Variants in RIMS2 observed in about 807,000 individuals in gnomAD.
RIMS2 encodes regulating synaptic membrane exocytosis 2.
Under a neutral mutation model 174.4 loss-of-function variants are expected in RIMS2, and 59 were observed. The observed-to-expected ratio is 0.34, with a 90% CI of 0.27 to 0.42. RIMS2 has a LOEUF of 0.42. Ranked by LOEUF, RIMS2 falls within the 10% of genes least tolerant of loss-of-function variation. The probability of loss-of-function intolerance (pLI) is 1.00; values close to 1 mark genes in which losing one functional copy is unlikely to be tolerated. For synonymous variants in RIMS2, 606 were observed against 572.5 expected (o/e 1.06, Z -0.84); for missense variants, 1,620 against 1,666.3 (o/e 0.97, Z 0.48).
intron 2 of RIMS2, among the ~76,000 whole-genome samples, chr8:103,765,532 A>G (rs543371475): frequency 2.0e-5 from 3 of 152,338 alleles, no homozygotes; most frequent in African/African-American, 7.2e-5. Flanking sequence ...CTTTTGCCAC[A>G]GTAAAAACAT....
chr8:104,079,672 A>AG (rs1566234045), intron 19 of RIMS2, among the ~76,000 whole-genome samples: 1 of 131,270 alleles, frequency 7.6e-6, no homozygotes. Context: ...AACAACAGAT[A>AG]GGTGAAAACA....
chr8:104,102,743 A>G (rs1159053883), intron 19 of RIMS2, among the ~76,000 whole-genome samples: 1 of 152,172 alleles, frequency 6.6e-6, no homozygotes, highest in Non-Finnish European at 1.5e-5. Flanking sequence ...TTATAAAACC[A>G]TCAGATCTCA....
intron 3 of RIMS2, among the ~76,000 whole-genome samples, chr8:103,800,604 C>T (rs942585130): frequency 1.3e-5 from 2 of 152,108 alleles, no homozygotes; most frequent in African/African-American, 2.4e-5. Context: ...GGTTTTTCCT[C>T]TTTCGTCTCT....
chr8:104,248,064 A>AG (rs199938840), intron 20 of RIMS2, among the ~76,000 whole-genome samples: 2,455 of 152,276 alleles, frequency 0.016, 33 homozygotes, highest in Middle Eastern at 0.075. Context: ...TTCAAGGAAG[A>AG]GGGGGCAAGG....
chr8:103,563,718 G>T (rs190938156), intron 1 of RIMS2, among the ~76,000 whole-genome samples: 1 of 151,936 alleles, frequency 6.6e-6, no homozygotes, highest in Non-Finnish European at 1.5e-5. Flanking sequence ...CCATTTTCAC[G>T]CTGGTATTAA....
At chr8:103,782,001 G>A (rs1017318474) in intron 3 of RIMS2, among the ~76,000 whole-genome samples, 1 of 151,764 alleles carries the variant, frequency 6.6e-6, no homozygotes, top group African/African-American at 2.4e-5. Flanking sequence ...GCCCACCTCG[G>A]CCTCCCAAAG....
chr8:103,713,172 C>A (rs1266883037), intron 2 of RIMS2, among the ~76,000 whole-genome samples: 1 of 152,146 alleles, frequency 6.6e-6, no homozygotes, highest in Admixed American at 6.5e-5. Context: ...GCACACACCA[C>A]CATGCTTGGC....
chr8:103,768,488 C>G, intron 3 of RIMS2: 6 of 897,034 alleles, frequency 6.7e-6, no homozygotes, highest in South Asian at 1.3e-5. Flanking sequence ...TGTCTTGATT[C>G]ATGGCCGTGT....
chr8:104,169,792 C>T (rs2098821583), intron 19 of RIMS2, among the ~76,000 whole-genome samples: 1 of 151,980 alleles, frequency 6.6e-6, no homozygotes, highest in Non-Finnish European at 1.5e-5. Flanking sequence ...CTCTTTCAGA[C>T]TTTTTGAAGT....
At chr8:103,578,666 T>C (rs2093413477) in intron 1 of RIMS2, among the ~76,000 whole-genome samples, 1 of 151,982 alleles carries the variant, frequency 6.6e-6, no homozygotes, top group African/African-American at 2.4e-5. Flanking sequence ...TGGGGCAACA[T>C]TTTCAAAGTG....
chr8:104,010,856 CATAAA>C (rs1565832285), intron 17 of RIMS2, among the ~76,000 whole-genome samples: 2 of 151,894 alleles, frequency 1.3e-5, no homozygotes, highest in African/African-American at 4.8e-5. Context: ...ATATGCATAA[CATAAA>C]ATAAGGTAAA....
intron 13 of RIMS2, among the ~76,000 whole-genome samples, chr8:103,941,142 G>A (rs377546022): frequency 1.9e-4 from 29 of 152,096 alleles, no homozygotes; most frequent in East Asian, 7.7e-4. Flanking sequence ...TAATCCTTTC[G>A]AACACAGTAC....
intron 19 of RIMS2, among the ~76,000 whole-genome samples, chr8:104,021,769 C>G (rs1428106226): frequency 6.6e-6 from 1 of 152,168 alleles, no homozygotes; most frequent in East Asian, 1.9e-4. Flanking sequence ...CTGCCTCCCG[C>G]ACAGACAAAA....
At chr8:103,812,458 A>G (rs1225421572) in intron 3 of RIMS2, among the ~76,000 whole-genome samples, 1 of 149,066 alleles carries the variant, frequency 6.7e-6, no homozygotes, top group East Asian at 2.0e-4. Flanking sequence ...CGATCTTGGT[A>G]TATACCTCCG....
At position 103,768,817 on chromosome 8, in the gene RIMS2, A is replaced by G. The variant is rs933596377; in HGVS notation, c.698+2280A>G. 1.1e-5 allele frequency: 7 copies of G among 663,688 alleles called. 1 individual carries two copies. Among genetic ancestry groups the G allele is most frequent in the African/African-American group, 3.6e-5 (2 of 55,400 alleles). The allele number at this position is 663,688 out of a possible 1,614,324, so 41.1% of individuals were successfully genotyped here. ...CAAAGCACCCAAAATTCAGCGTCTT[A>G]TTACTCCATGTGTCCTGCAGCACAA... On this transcript the variant is annotated intron_variant, in intron 3 of 23. Transcript: ENST00000504942.
chr8:103,874,994 G>A (rs2099129096), intron 3 of RIMS2, among the ~76,000 whole-genome samples: 1 of 151,948 alleles, frequency 6.6e-6, no homozygotes, highest in South Asian at 2.1e-4. Context: ...GTTTTTTGCT[G>A]GCTCTAATGC....
intron 16 of RIMS2, among the ~76,000 whole-genome samples, chr8:103,979,312 C>CA (rs2154548983): frequency 6.6e-6 from 1 of 151,988 alleles, no homozygotes; most frequent in Admixed American, 6.6e-5. Context: ...TATCAAAAGG[C>CA]AAAAAATAAT....
chr8:103,612,751 T>A (rs974432727), intron 1 of RIMS2, among the ~76,000 whole-genome samples: 1 of 152,146 alleles, frequency 6.6e-6, no homozygotes, highest in African/African-American at 2.4e-5. Flanking sequence ...GCTGATTTTT[T>A]AGTAGAGACA....
chr8:103,767,404 T>G (rs958938685), intron 3 of RIMS2, among the ~76,000 whole-genome samples: 10 of 152,042 alleles, frequency 6.6e-5, no homozygotes, highest in Admixed American at 3.9e-4. Flanking sequence ...GCTAGTATGG[T>G]CTCAATCTCA....
Sources: gnomAD v4.1 joint callset for allele counts (sites outside exome capture counted in the v4.1 genomes callset) on GRCh38, gnomAD v4.1.1 for gene constraint, MANE v1.5 for transcripts, NCBI Gene and HGNC (gene_info 2026-07-23, HGNC 2026-07-21) for gene names.